Variants in ITGA8 observed in about 807,000 individuals in gnomAD.
The protein encoded by ITGA8 is integrin alpha-8.
A neutral mutation model predicts 142.3 loss-of-function variants in ITGA8; 91 were observed. That is an observed-to-expected ratio of 0.64 (90% confidence interval 0.54 to 0.76). The LOEUF is 0.76. Ranked by LOEUF, ITGA8 falls within the 30% of genes least tolerant of loss-of-function variation. ITGA8 has a pLI of 0.00. For synonymous variants in ITGA8, 505 were observed against 485.2 expected, an observed-to-expected ratio of 1.04 and a Z score of -0.54; for missense variants, 1,406 against 1,327.7, an observed-to-expected ratio of 1.06 and a Z score of -0.92.
chr10:15,575,633 C>T (rs779316569), intron 23 of ITGA8, 39 bp from the exon 24 acceptor site: 1 of 1,512,758 alleles, frequency 6.6e-7, no homozygotes, highest in African/African-American at 1.4e-5. Context: ...TAGCAATGGC[C>T]CAGGTAAAGA....
At chr10:15,679,741 C>G (rs1834700640) in intron 4 of ITGA8, among the ~76,000 whole-genome samples, 3 of 152,130 alleles carry the variant, frequency 2.0e-5, no homozygotes, top group South Asian at 2.1e-4. Flanking sequence ...CAATATGATT[C>G]ACTAACTCAT....
chr10:15,716,722 G>T (rs1041274607), intron 2 of ITGA8, among the ~76,000 whole-genome samples: 2 of 148,430 alleles, frequency 1.3e-5, no homozygotes, highest in Non-Finnish European at 3.0e-5. Context: ...CCAGGCTGGA[G>T]TGCAATGGTG....
intron 9 of ITGA8, among the ~76,000 whole-genome samples, chr10:15,659,752 A>C (rs577691441): frequency 9.2e-5 from 14 of 152,336 alleles, no homozygotes; most frequent in African/African-American, 3.4e-4. Context: ...CCTTATCAAA[A>C]GAGGAGAAGA....
intron 2 of ITGA8, among the ~76,000 whole-genome samples, chr10:15,700,486 A>T (rs1337485134): frequency 6.6e-6 from 1 of 152,188 alleles, no homozygotes; most frequent in Non-Finnish European, 1.5e-5. Context: ...CTCAGATGAG[A>T]GTATTGTATG....
intron 28 of ITGA8, among the ~76,000 whole-genome samples, chr10:15,527,793 A>C (rs898926534): frequency 1.3e-5 from 2 of 152,066 alleles, no homozygotes; most frequent in African/African-American, 4.8e-5. Flanking sequence ...GTCTCATTAT[A>C]GAAGAAGGAA....
At chr10:15,670,789 C>T (rs1470816190) in intron 8 of ITGA8, among the ~76,000 whole-genome samples, 1 of 152,112 alleles carries the variant, frequency 6.6e-6, no homozygotes, top group East Asian at 1.9e-4. Flanking sequence ...GAATTGTTTC[C>T]ATGACCCGTA....
intron 15 of ITGA8, among the ~76,000 whole-genome samples, chr10:15,613,170 A>AAAT (rs1833330081): frequency 2.8e-5 from 1 of 36,134 alleles, no homozygotes; most frequent in African/African-American, 5.2e-5. Flanking sequence ...CAATAAATAA[A>AAAT]AAATAAATAA....
intron 13 of ITGA8, among the ~76,000 whole-genome samples, chr10:15,642,609 A>G (rs1833891264): frequency 1.3e-5 from 2 of 152,204 alleles, no homozygotes; most frequent in African/African-American, 2.4e-5. Flanking sequence ...ACTAACCACC[A>G]TTGATTAGCA....
At chr10:15,709,363 A>G (rs999978328) in intron 2 of ITGA8, among the ~76,000 whole-genome samples, 2 of 152,242 alleles carry the variant, frequency 1.3e-5, no homozygotes, top group African/African-American at 4.8e-5. Context: ...ACACACCTTT[A>G]CAGAACATTT....
At chr10:15,687,069 A>G (rs1443416875) in intron 3 of ITGA8, among the ~76,000 whole-genome samples, 3 of 152,234 alleles carry the variant, frequency 2.0e-5, no homozygotes, top group Non-Finnish European at 4.4e-5. Context: ...AGACAACTCT[A>G]CAAAAACTAT....
At chr10:15,697,746 CAT>C (rs1222216480) in intron 2 of ITGA8, among the ~76,000 whole-genome samples, 1 of 152,058 alleles carries the variant, frequency 6.6e-6, no homozygotes, top group Non-Finnish European at 1.5e-5. Context: ...TCTTTAAAAA[CAT>C]ATATCCAGCC....
chr10:15,605,675 C>T (rs373860427), intron 19 of ITGA8, 49 bp downstream of exon 19: 82 of 1,421,070 alleles, frequency 5.8e-5, no homozygotes, highest in Non-Finnish European at 7.8e-5. Flanking sequence ...TACATAAATA[C>T]CTGTAATTCC....
chr10:15,719,491 G>A, intron 1 of ITGA8, 72 bp downstream of exon 1: 3 of 1,387,380 alleles, frequency 2.2e-6, no homozygotes, highest in East Asian at 5.7e-5. Context: ...GGGACTCCGC[G>A]GCAGAGCCGC....
At chr10:15,690,853 C>A (rs1834920958) in intron 2 of ITGA8, among the ~76,000 whole-genome samples, 1 of 151,900 alleles carries the variant, frequency 6.6e-6, no homozygotes, top group African/African-American at 2.4e-5. Context: ...GCACGCTACC[C>A]AACCAATCCC....
chr10:15,697,780 T>A (rs938820697), intron 2 of ITGA8, among the ~76,000 whole-genome samples: 1 of 152,234 alleles, frequency 6.6e-6, no homozygotes, highest in Non-Finnish European at 1.5e-5. Flanking sequence ...TAAAAACTAC[T>A]CTCAGCATAT....
chr10:15,604,692 C>T lies in ITGA8; in HGVS notation c.1971-337G>A, dbSNP rs549496182. On this transcript the variant is annotated intron_variant, in intron 19 of 29. Transcript: ENST00000378076. ...ACCAACATATTTAACAATCTACCAA[C>T]AAAATTACTGCAAATTTAACATTTC... 2.6e-4 allele frequency among the ~76,000 whole-genome samples: 39 copies of T among 150,868 alleles called. No homozygotes were observed. The South Asian group carries it at 7.8e-3, about 30-fold the overall frequency.
intron 2 of ITGA8, among the ~76,000 whole-genome samples, chr10:15,694,257 T>TCATATATATGATA (rs1554788460): frequency 7.3e-5 from 7 of 95,376 alleles, no homozygotes; most frequent in African/African-American, 2.1e-4. Flanking sequence ...TATGATAACA[T>TCATATATATGATA]ATACATCAGA....
chr10:15,594,251 C>T (rs2131598600), intron 21 of ITGA8, among the ~76,000 whole-genome samples: 1 of 152,072 alleles, frequency 6.6e-6, no homozygotes. Flanking sequence ...ACTGCTAACG[C>T]ATGCCTGAAA....
At chr10:15,689,981 C>T (rs975156743) in intron 2 of ITGA8, among the ~76,000 whole-genome samples, 1 of 152,126 alleles carries the variant, frequency 6.6e-6, no homozygotes, top group Non-Finnish European at 1.5e-5. Context: ...GAGCTTTGGT[C>T]CCAGGGAATT....
Sources: gnomAD v4.1 joint callset for allele counts (sites outside exome capture counted in the v4.1 genomes callset) on GRCh38, gnomAD v4.1.1 for gene constraint, MANE v1.5 for transcripts, NCBI Gene and HGNC (gene_info 2026-07-23, HGNC 2026-07-21) for gene names.